ARHGAP8: variants seen among roughly 807,000 people sequenced by gnomAD.
ARHGAP8 encodes Rho GTPase activating protein 8.
Under a neutral mutation model 46.1 loss-of-function variants are expected in ARHGAP8, and 62 were observed. The observed-to-expected ratio is 1.34, with a 90% CI of 1.10 to 1.66. ARHGAP8 has a LOEUF of 1.66. Among genes scored for constraint, ARHGAP8 ranks in the 40% most tolerant of loss-of-function variants. ARHGAP8 has a pLI of 0.00. For missense variants in ARHGAP8, 923 were observed against 568.4 expected (o/e 1.62, Z -6.34); for synonymous variants, 375 against 243.1 (o/e 1.54, Z -5.05).
At chr22:44,777,375 A>C (rs905174138) in intron 1 of ARHGAP8, 14 of 151,936 alleles carry the variant, frequency 9.2e-5, no homozygotes, top group African/African-American at 3.4e-4. Context: ...CTGCTTGGAG[A>C]AAGTCCTGGC....
chr22:44,786,375 C>A, intron 1 of ARHGAP8, 82 bp from the exon 2 acceptor site: 1 of 1,503,860 alleles, frequency 6.6e-7, no homozygotes, highest in South Asian at 1.3e-5. Context: ...GGGTGACTGT[C>A]TTATGAAAGG....
At chr22:44,860,235 A>G (rs2070405054) in intron 11 of ARHGAP8, among the ~76,000 whole-genome samples, 1 of 151,614 alleles carries the variant, frequency 6.6e-6, no homozygotes, top group Admixed American at 6.6e-5. Context: ...ACCCAGAACC[A>G]CGTACATTAA....
At chr22:44,808,677 G>T (rs1466149029) in intron 4 of ARHGAP8, 1 of 731,528 alleles carries the variant, frequency 1.4e-6, no homozygotes, top group East Asian at 3.2e-5. Flanking sequence ...TTAAGAGACG[G>T]TCTCACCCAG....
At chr22:44,768,674 CT>C (rs1925777598) in intron 1 of ARHGAP8, among the ~76,000 whole-genome samples, 5 of 152,032 alleles carry the variant, frequency 3.3e-5, no homozygotes, top group Admixed American at 1.3e-4. Context: ...GCACCGAAGG[CT>C]TAATTAGATT....
In ARHGAP8 at chr22:44,816,884, C is replaced by CTTTT. The variant is rs981732386; in HGVS notation, c.386+2141_386+2144dup. Among the ~76,000 whole-genome samples, 530 of 114,916 alleles carry CTTTT rather than the reference C, an allele frequency of 4.6e-3. 1 individual carries two copies. Among genetic ancestry groups the CTTTT allele is most frequent in the African/African-American group, 8.3e-3 (250 of 30,102 alleles). 75.4% of individuals were successfully genotyped at this position (114,916 alleles called of 152,430 possible). On this transcript the variant is annotated intron_variant, in intron 5 of 11. Coordinates refer to ENST00000356099, the MANE Select transcript of ARHGAP8 (RefSeq NM_181335.3). ...TTCTTTCTTTTTTCTTTCTTTCTTTCTTTTTTTTTTTTTTTTTTGAGACGA... is the reference window on the plus strand; with the variant it reads ...TTCTTTCTTTTTTCTTTCTTTCTTTCTTTTTTTTTTTTTTTTTTTTTTGAGACGA...
intron 7 of ARHGAP8, among the ~76,000 whole-genome samples, chr22:44,835,839 T>C (rs970379165): frequency 1.1e-4 from 16 of 152,204 alleles, no homozygotes; most frequent in African/African-American, 3.9e-4. Flanking sequence ...AGAAAAGAAC[T>C]GGTAAGTATC....
Position 44,856,575 on chromosome 22 carries a change from GT to G in ARHGAP8, c.878-3155del, listed in dbSNP as rs2070232183. 1.8e-5 allele frequency among the ~76,000 whole-genome samples: 2 copies of G among 110,200 alleles called. 1 individual carries two copies. The highest frequency in any genetic ancestry group is 9.3e-5 in the African/African-American group (2 of 21,536). The allele number at this position is 110,200 out of a possible 152,430, so 72.3% of individuals were successfully genotyped here. The stretch of plus-strand genomic sequence containing the variant: ...AGGCGTGAGCCACCGCGCCCGGCCT[GT>G]AAATTCTTGGGGCTACATCCTGACC... On this transcript the variant is annotated intron_variant, in intron 10 of 11. Coordinates refer to ENST00000356099, the MANE Select transcript of ARHGAP8 (RefSeq NM_181335.3).
intron 5 of ARHGAP8, among the ~76,000 whole-genome samples, chr22:44,816,884 C>CTTTTTTTTTTTTTT (rs981732386): frequency 3.5e-5 from 4 of 115,110 alleles, no homozygotes; most frequent in African/African-American, 6.6e-5. Flanking sequence ...TTCTTTCTTT[C>CTTTTTTTTTTTTTT]TTTTTTTTTT....
chr22:44,765,576 C>T (rs889257327), intron 1 of ARHGAP8, among the ~76,000 whole-genome samples: 7 of 152,112 alleles, frequency 4.6e-5, no homozygotes, highest in Non-Finnish European at 8.8e-5. Context: ...GGTCTGTCCC[C>T]GGCTGGAAGC....
chr22:44,775,044 C>T (rs1926323323), intron 1 of ARHGAP8, among the ~76,000 whole-genome samples: 1 of 152,194 alleles, frequency 6.6e-6, no homozygotes, highest in African/African-American at 2.4e-5. Context: ...TTTGGCCAGG[C>T]TGGTCTCGAA....
At chr22:44,845,487 G>C in intron 8 of ARHGAP8, 145 bp downstream of exon 8, 1 of 1,124,502 alleles carries the variant, frequency 8.9e-7, no homozygotes, top group Non-Finnish European at 1.3e-6. Context: ...CCAGGTCTGG[G>C]CTCTGGCCTC....
intron 9 of ARHGAP8, among the ~76,000 whole-genome samples, chr22:44,848,594 C>T (rs2070018537): frequency 6.6e-6 from 1 of 152,244 alleles, no homozygotes; most frequent in African/African-American, 2.4e-5. Context: ...TCAGGCCTGC[C>T]TGTCTCAGGC....
At chr22:44,853,510 T>A (rs2070147032) in intron 10 of ARHGAP8, among the ~76,000 whole-genome samples, 1 of 152,178 alleles carries the variant, frequency 6.6e-6, no homozygotes, top group African/African-American at 2.4e-5. Flanking sequence ...CGCCGTAGTT[T>A]TCCACGGGAG....
chr22:44,861,916 A>G (rs112356094), intron 11 of ARHGAP8, among the ~76,000 whole-genome samples: 2 of 151,920 alleles, frequency 1.3e-5, no homozygotes, highest in Non-Finnish European at 1.5e-5. Flanking sequence ...TTCGCCACTC[A>G]CAGAGCCGAG....
At chr22:44,804,317 C>G (rs1460073075) in intron 3 of ARHGAP8, among the ~76,000 whole-genome samples, 1 of 152,036 alleles carries the variant, frequency 6.6e-6, no homozygotes, top group Non-Finnish European at 1.5e-5. Context: ...CCCAGGAGAG[C>G]TGCTGCTGGG....
At chr22:44,756,043 T>C (rs1237406192) in intron 1 of ARHGAP8, among the ~76,000 whole-genome samples, 1 of 152,210 alleles carries the variant, frequency 6.6e-6, no homozygotes, top group East Asian at 1.9e-4. Context: ...AAGATCTTGC[T>C]TGGGGAGAAG....
intron 7 of ARHGAP8, among the ~76,000 whole-genome samples, chr22:44,839,800 C>A (rs946136521): frequency 1.3e-5 from 2 of 152,236 alleles, no homozygotes; most frequent in African/African-American, 4.8e-5. Context: ...TTCACAGATT[C>A]TCCAGGACTT....
chr22:44,824,431 C>T (rs1345738019), intron 6 of ARHGAP8, among the ~76,000 whole-genome samples: 1 of 152,154 alleles, frequency 6.6e-6, no homozygotes, highest in Non-Finnish European at 1.5e-5. Context: ...TGTCGGGTGC[C>T]TAACCCTGCA....
intron 8 of ARHGAP8, among the ~76,000 whole-genome samples, chr22:44,846,842 G>C (rs986660674): frequency 6.6e-6 from 1 of 152,016 alleles, no homozygotes; most frequent in Non-Finnish European, 1.5e-5. Flanking sequence ...ACTTCCATCA[G>C]GGAGAAGGCC....
Sources: gnomAD v4.1 joint callset for allele counts (sites outside exome capture counted in the v4.1 genomes callset) on GRCh38, gnomAD v4.1.1 for gene constraint, MANE v1.5 for transcripts, NCBI Gene and HGNC (gene_info 2026-07-23, HGNC 2026-07-21) for gene names.